NDUFS4: variants seen among roughly 807,000 people sequenced by gnomAD.
NDUFS4 encodes NADH:ubiquinone oxidoreductase subunit S4, also known as NADH dehydrogenase [ubiquinone] iron-sulfur protein 4, mitochondrial.
A neutral mutation model predicts 24.3 loss-of-function variants in NDUFS4; 28 were observed. The ratio of observed to expected loss-of-function variants is 1.15; its 90% CI spans 0.85 to 1.58. The LOEUF (loss-of-function observed/expected upper bound fraction) is 1.58. Ranked by LOEUF, NDUFS4 falls within the 40% of genes most tolerant of loss-of-function variation. The probability of loss-of-function intolerance (pLI) is 0.00; values close to 1 mark genes in which losing one functional copy is unlikely to be tolerated. For synonymous variants in NDUFS4, 93 were observed against 69.7 expected (o/e 1.34, Z -1.67); for missense variants, 223 against 207.9 (o/e 1.07, Z -0.45).
intron 1 of NDUFS4, among the ~76,000 whole-genome samples, chr5:53,563,236 C>CAAAAAAAAAAAAA (rs906204561): frequency 1.9e-5 from 2 of 105,044 alleles, no homozygotes; most frequent in African/African-American, 3.7e-5. Flanking sequence ...CTCAAAAAAA[C>CAAAAAAAAAAAAA]AAAAAAAAAA....
chr5:53,622,332 A>G (rs1361848661), intron 2 of NDUFS4, among the ~76,000 whole-genome samples: 2 of 152,110 alleles, frequency 1.3e-5, no homozygotes, highest in Non-Finnish European at 2.9e-5. Flanking sequence ...ACAGAAATTT[A>G]GTTTCTGACA....
chr5:53,607,300 T>G (rs949384776), intron 2 of NDUFS4, among the ~76,000 whole-genome samples: 11 of 152,190 alleles, frequency 7.2e-5, no homozygotes, highest in African/African-American at 2.7e-4. Context: ...TAGAAAGATG[T>G]CAAGCTCAAT....
At position 53,625,330 on chromosome 5, in the gene NDUFS4, C is replaced by G. The variant is rs1024431166; in HGVS notation, c.178-20903C>G. The stretch of plus-strand genomic sequence containing the variant: ...TTTAAACTTCAGAAATTTTGTTATA[C>G]TGTGTTTTTGTGTGGTTTTCTTTAC... On this transcript the variant is annotated intron_variant, in intron 2 of 4. Transcript: ENST00000296684. Among the ~76,000 whole-genome samples the G allele has an allele frequency of 1.6e-4, 25 of 152,072 alleles. No individual in the cohort carries two copies. The East Asian group carries it at 4.6e-3, about 28-fold the overall frequency.
chr5:53,598,997 A>G (rs925295215), intron 1 of NDUFS4, among the ~76,000 whole-genome samples: 1 of 152,206 alleles, frequency 6.6e-6, no homozygotes, highest in Admixed American at 6.5e-5. Flanking sequence ...GGACAAAAAT[A>G]AAGGCAAACC....
chr5:53,641,879 A>G (rs1026970587), intron 2 of NDUFS4, among the ~76,000 whole-genome samples: 1 of 152,090 alleles, frequency 6.6e-6, no homozygotes, highest in Non-Finnish European at 1.5e-5. Context: ...TCAGTCATCA[A>G]ATTTAGATTA....
At position 53,683,137 on chromosome 5, in the gene NDUFS4, A is replaced by AGAGAG. The variant is rs984909140; in HGVS notation, c.447_451dup (p.Lys151ArgfsTer40). 6.2e-6 allele frequency: 10 copies of AGAGAG among 1,607,302 alleles called. No individual in the cohort carries two copies. Among genetic ancestry groups the AGAGAG allele is most frequent in the Non-Finnish European group, 8.5e-6 (10 of 1,174,260 alleles). The stretch of plus-strand genomic sequence containing the variant: ...TCCTAGGATGGAGCTATGACATTGA[A>AGAGAG]GAGAGGAAGGTTCCAAAACCCAAGT... On this transcript the variant is annotated frameshift_variant, in exon 5 of 5. Transcript: ENST00000296684. LOFTEE classifies it high-confidence loss of function.
At chr5:53,628,868 C>G (rs1353438177) in intron 2 of NDUFS4, among the ~76,000 whole-genome samples, 1 of 151,910 alleles carries the variant, frequency 6.6e-6, no homozygotes, top group Admixed American at 6.6e-5. Flanking sequence ...TTTTTTGTGT[C>G]TCTGTTTCCT....
At chr5:53,658,885 C>T (rs775748010) in intron 4 of NDUFS4, 8 of 373,606 alleles carry the variant, frequency 2.1e-5, no homozygotes, top group East Asian at 4.6e-5. Context: ...AACTACTTAA[C>T]GCCTACCTTG....
Position 53,611,418 on chromosome 5 carries a change from A to C in NDUFS4, c.177+7888A>C, listed in dbSNP as rs376607500. The stretch of plus-strand genomic sequence containing the variant: ...AATCCTGGATTATTGTTAATAAAGA[A>C]TATGGCCTCAGAGTACTTTCTATGT... On this transcript the variant is annotated intron_variant, in intron 2 of 4. Coordinates refer to ENST00000296684, the MANE Select transcript of NDUFS4 (RefSeq NM_002495.4). Among the ~76,000 whole-genome samples the C allele has an allele frequency of 5.7e-4, 86 of 152,154 alleles. 1 individual carries two copies. In the South Asian group the frequency reaches 0.017, roughly 30 times the overall value.
chr5:53,565,214 A>T (rs190036724), intron 1 of NDUFS4, among the ~76,000 whole-genome samples: 3 of 152,354 alleles, frequency 2.0e-5, no homozygotes, highest in Admixed American at 2.0e-4. Flanking sequence ...AGTGCAAAGC[A>T]GAAACTGATT....
chr5:53,672,624 T>C (rs566829073), intron 4 of NDUFS4, among the ~76,000 whole-genome samples: 22 of 152,112 alleles, frequency 1.4e-4, no homozygotes, highest in Admixed American at 7.9e-4. Context: ...TTCTATTCCT[T>C]CTCCATTTTG....
chr5:53,628,136 AATC>A (rs1294237166), intron 2 of NDUFS4, among the ~76,000 whole-genome samples: 4 of 152,192 alleles, frequency 2.6e-5, no homozygotes, highest in African/African-American at 9.7e-5. Flanking sequence ...CTATTGAGAT[AATC>A]ATGTGGTTTT....
chr5:53,682,646 C>T (rs1242946652), intron 4 of NDUFS4, among the ~76,000 whole-genome samples: 1 of 152,050 alleles, frequency 6.6e-6, no homozygotes, highest in African/African-American at 2.4e-5. Context: ...CACACATGCA[C>T]CCATACACAC....
rs751024108 is a variant in NDUFS4, at chr5:53,683,261, T to A, written c.*40T>A. 4 of 1,390,462 alleles carry A rather than the reference T, an allele frequency of 2.9e-6. No homozygotes were observed. The highest frequency in any genetic ancestry group is 4.1e-6 in the Non-Finnish European group (4 of 976,888). 86.1% of individuals were successfully genotyped at this position (1,390,462 alleles called of 1,614,324 possible). The stretch of plus-strand genomic sequence containing the variant: ...TATCTCTGCTTGACTGTGAATAAAG[T>A]CAGCTGTGCAGTATTTATAGTCCAT... On this transcript the variant is annotated 3_prime_UTR_variant, in exon 5 of 5. Transcript: ENST00000296684.
chr5:53,584,683 A>C (rs1403577730), intron 1 of NDUFS4, among the ~76,000 whole-genome samples: 1 of 152,108 alleles, frequency 6.6e-6, no homozygotes, highest in African/African-American at 2.4e-5. Context: ...TGTAGTTAAT[A>C]AGTATTAACT....
At chr5:53,584,869 G>A (rs1368773879) in intron 1 of NDUFS4, among the ~76,000 whole-genome samples, 2 of 152,108 alleles carry the variant, frequency 1.3e-5, no homozygotes, top group African/African-American at 4.8e-5. Flanking sequence ...CTGGGTTCAA[G>A]TGATTCCTGT....
rs781650785 is a variant in NDUFS4, at chr5:53,560,660, A to G, written c.-3A>G. 1 of 1,614,258 alleles carries G rather than the reference A, an allele frequency of 6.2e-7. No homozygotes were observed. Among genetic ancestry groups the G allele is most frequent in the South Asian group, 1.1e-5 (1 of 91,090 alleles). ...TTTCATCCTGGCGTTTGCCTGCAGC[A>G]AGATGGCGGCGGTGTCAATGTCAGT... On this transcript the variant is annotated 5_prime_UTR_variant, in exon 1 of 5. Transcript: ENST00000296684.
At chr5:53,670,757 GT>G (rs1335458301) in intron 4 of NDUFS4, among the ~76,000 whole-genome samples, 1 of 150,896 alleles carries the variant, frequency 6.6e-6, no homozygotes, top group South Asian at 2.1e-4. Context: ...TATTCTTCAG[GT>G]ACTCTTACCT....
intron 1 of NDUFS4, among the ~76,000 whole-genome samples, chr5:53,601,296 C>T (rs1406620509): frequency 6.6e-6 from 1 of 152,008 alleles, no homozygotes; most frequent in Non-Finnish European, 1.5e-5. Context: ...AGCCACCGCG[C>T]CCGGCTACAC....
Sources: allele counts gnomAD v4.1 joint callset (sites outside exome capture counted in the v4.1 genomes callset), GRCh38; gene constraint gnomAD v4.1.1; transcripts MANE v1.5; gene names NCBI Gene and HGNC (gene_info 2026-07-23, HGNC 2026-07-21).